The following RGS11 variants were observed in gnomAD, a reference collection of about 807,000 sequenced individuals.
The protein encoded by RGS11 is regulator of G-protein signaling 11.
A neutral mutation model predicts 71.1 loss-of-function variants in RGS11; 86 were observed. That is an observed-to-expected ratio of 1.21 (90% CI 1.02 to 1.45). The LOEUF (loss-of-function observed/expected upper bound fraction) is 1.45. Ranked by LOEUF, RGS11 falls within the 40% of genes most tolerant of loss-of-function variation. The pLI is 0.00. For synonymous variants in RGS11, 298 were observed against 254.2 expected (o/e 1.17, Z -1.64); for missense variants, 734 against 635.1 (o/e 1.16, Z -1.67).
chr16:272,587 T>C, intron 9 of RGS11: 1 of 1,455,270 alleles, frequency 6.9e-7, no homozygotes, highest in South Asian at 1.3e-5. Flanking sequence ...GATACTGTTC[T>C]GGAGAAGAGC....
chr16:272,738 A>G, intron 9 of RGS11, 125 bp downstream of exon 9: 2 of 1,504,380 alleles, frequency 1.3e-6, no homozygotes, highest in East Asian at 2.5e-5. Flanking sequence ...GGGCTTGGGG[A>G]GGCTGCACCA....
intron 9 of RGS11, chr16:272,273 G>A: frequency 8.0e-7 from 1 of 1,244,010 alleles, no homozygotes; most frequent in Non-Finnish European, 1.0e-6. Flanking sequence ...GAGCGGAGGA[G>A]GCGGACGCGC....
rs750015083 is a variant in RGS11 at position 271,152 on chromosome 16, C to CT, written c.863+49_863+50insA. On this transcript the variant is annotated intron_variant, in intron 12 of 16. Transcript: ENST00000397770. ...GGGTGGGGACTGACCCTCCTGCGTC[C>CT]CCCCAGGCTGGGAGCACACCCGCAG... The CT allele has an allele frequency of 1.5e-5, 24 of 1,604,536 alleles. No homozygotes were observed. The East Asian group carries it at 2.9e-4, about 19-fold the overall frequency.
intron 15 of RGS11, among the ~76,000 whole-genome samples, chr16:270,115 G>A (rs1242088345): frequency 6.6e-6 from 1 of 152,072 alleles, no homozygotes; most frequent in African/African-American, 2.4e-5. Context: ...CGGGCGTGGT[G>A]GCGGGCGCCT....
At chr16:271,618 GTCCAAA>G in intron 9 of RGS11, 49 bp from the exon 10 acceptor site, 1 of 1,588,484 alleles carries the variant, frequency 6.3e-7, no homozygotes, top group Non-Finnish European at 8.6e-7. Context: ...CCCTGCTGGG[GTCCAAA>G]ATCCCCAGCA....
Position 270,536 on chromosome 16 carries a change from A to G in RGS11, c.1193T>C (p.Met398Thr). The G allele has an allele frequency of 6.2e-7, 1 of 1,607,446 alleles. No homozygotes were observed. The highest frequency in any genetic ancestry group is 1.1e-5 in the South Asian group (1 of 90,078). ...CCCAGCACCCACCTTCTTCATGAGC[A>G]TGTATATGTGCAGCTGGGCGTCATC... is the stretch of plus-strand genomic sequence containing the variant. ...VLDDAQLHIY[M>T]LMKKDSYPRF... is the part of the protein sequence containing the mutation. The change falls in exon 15 of 17, where the codon ATG becomes ACG. Residue 398 changes from methionine (M) to threonine (T), a missense_variant. Coordinates refer to ENST00000397770, the MANE Select transcript of RGS11 (RefSeq NM_183337.3).
rs200731931 is a variant in RGS11, at chr16:270,609, T to C, written c.1120A>G (p.Met374Val). 1.2e-6 allele frequency: 2 copies of C among 1,608,270 alleles called. No individual in the cohort carries two copies. The highest frequency in any genetic ancestry group is 2.2e-5 in the East Asian group (1 of 44,698). Residue 374 changes from methionine (M) to valine (V), a missense_variant, in exon 15 of 17, where the codon ATG (methionine) becomes GTG (valine). Coordinates refer to ENST00000397770, the MANE Select transcript of RGS11 (RefSeq NM_183337.3). Reference sequence around the variant, plus strand: ...CGCAGCCCCTCCAGGGTCTGCTCCATGGTCCGGCTGTCGATGTTGACCCAG... The same window carrying C: ...CGCAGCCCCTCCAGGGTCTGCTCCACGGTCCGGCTGTCGATGTTGACCCAG... The part of the protein sequence containing the change: ...AHWVNIDSRT[M>V]EQTLEGLRQP...
At chr16:271,640 G>T in intron 9 of RGS11, 71 bp from the exon 10 acceptor site, 1 of 1,463,320 alleles carries the variant, frequency 6.8e-7, no homozygotes, top group South Asian at 1.1e-5. Context: ...CAGCAGGAGG[G>T]CACCTCCCCA....
intron 15 of RGS11, chr16:269,957 C>T (rs1013212310): frequency 1.4e-5 from 3 of 212,308 alleles, no homozygotes; most frequent in African/African-American, 7.0e-5. Context: ...GTGGCTCACG[C>T]CTGTGATCCC....
intron 4 of RGS11, chr16:274,600 C>G (rs1366859823): frequency 3.4e-6 from 2 of 592,704 alleles, no homozygotes; most frequent in Non-Finnish European, 6.2e-6. Context: ...GACGGCAGGT[C>G]GGCCCGGGAC....
chr16:272,973 T>C (rs1458782233), intron 8 of RGS11, 42 bp from the exon 9 acceptor site: 2 of 1,450,796 alleles, frequency 1.4e-6, no homozygotes, highest in African/African-American at 2.8e-5. Flanking sequence ...GCAGTTCCGG[T>C]GGCTGACCCC....
Position 271,068 on chromosome 16 carries a change from T to C in RGS11, c.895A>G (p.Arg299Gly). The C allele has an allele frequency of 6.2e-7, 1 of 1,612,070 alleles. No individual in the cohort carries two copies. Among genetic ancestry groups the C allele is most frequent in the East Asian group, 2.2e-5 (1 of 44,802 alleles). The stretch of plus-strand genomic sequence containing the variant: ...AGCTCCCGGAAGCTGAAGCCCCATC[T>C]CTCCACACGGAGCTTCGTGGGGGCA... ...VAAPTKLRVE[R>G]WGFSFRELLE... is the part of the protein sequence containing the mutation. Residue 299 changes from arginine (R) to glycine (G), a missense_variant, in exon 13 of 17, where the codon AGA becomes GGA. Arg to Gly is a moderately radical substitution (Grantham distance 125, BLOSUM62 -2). Coordinates refer to ENST00000397770, the MANE Select transcript of RGS11 (RefSeq NM_183337.3).
rs199803458 is a variant in RGS11 at position 275,340 on chromosome 16, G to C, written c.161-7C>G. ...CACTGCACGACGTCGCTGCCTGCAC[G>C]GGAGAGACAGAGGTGGAGGGAGGCC... On this transcript the variant is annotated splice_region_variant and splice_polypyrimidine_tract_variant and intron_variant, in intron 2 of 16. Coordinates refer to ENST00000397770, the MANE Select transcript of RGS11 (RefSeq NM_183337.3). 2.0e-4 allele frequency: 317 copies of C among 1,612,222 alleles called. No individual in the cohort carries two copies. Among genetic ancestry groups the C allele is most frequent in the Non-Finnish European group, 1.8e-4 (209 of 1,179,820 alleles).
chr16:268,751 G>T lies in RGS11; in HGVS notation c.*518C>A, dbSNP rs549474512. On this transcript the variant is annotated 3_prime_UTR_variant, in exon 17 of 17. Transcript: ENST00000397770. Reference sequence around the variant, plus strand: ...AGTGACCTCGAGGCAGCCTCAGCACGGCACTCTCTTGGGTCCTCTTCCAGG... The same window carrying T: ...AGTGACCTCGAGGCAGCCTCAGCACTGCACTCTCTTGGGTCCTCTTCCAGG... 2 of 1,545,976 alleles carry T rather than the reference G, an allele frequency of 1.3e-6. No homozygotes were observed. Among genetic ancestry groups the T allele is most frequent in the East Asian group, 2.4e-5 (1 of 40,852 alleles).
At position 275,042 on chromosome 16, in the gene RGS11, G is replaced by T; in HGVS notation, c.252C>A (p.Tyr84Ter). Reference sequence around the variant, plus strand: ...TACGGGGGTCGCGCAGCGGGTAGATGTAGCCATGCTGCACCAGGACGGCGC... The same window carrying T: ...TACGGGGGTCGCGCAGCGGGTAGATTTAGCCATGCTGCACCAGGACGGCGC... ...HLGAVLVQHGYIYPLRDPRSL... is the reference protein window; with the variant it reads ...HLGAVLVQHG Residue 84 changes from tyrosine to a stop codon, truncating the protein, a stop_gained, in exon 4 of 17, where the codon TAC becomes TAA. Transcript: ENST00000397770. LOFTEE classifies it high-confidence loss of function. The T allele has an allele frequency of 6.7e-7, 1 of 1,499,380 alleles. No homozygotes were observed. Among genetic ancestry groups the T allele is most frequent in the Non-Finnish European group, 8.9e-7 (1 of 1,121,392 alleles). 92.9% of individuals were successfully genotyped at this position (1,499,380 alleles called of 1,614,324 possible). A position where few individuals can be genotyped will look rare whatever the true frequency, so the allele number is the denominator to read the frequency against.
chr16:272,387 C>G (rs1026343249), intron 9 of RGS11: 4 of 1,292,302 alleles, frequency 3.1e-6, no homozygotes, highest in Non-Finnish European at 4.0e-6. Context: ...CTAGGTGCAT[C>G]TTTCCAGATG....
At chr16:271,514 C>T (rs760360581) in intron 10 of RGS11, 26 bp downstream of exon 10, 2 of 1,613,882 alleles carry the variant, frequency 1.2e-6, no homozygotes, top group Middle Eastern at 1.6e-4. Context: ...CACCTGGCAC[C>T]CTCCACTCCC....
chr16:270,277 C>T (rs900025210), intron 15 of RGS11, among the ~76,000 whole-genome samples: 3 of 150,678 alleles, frequency 2.0e-5, no homozygotes, highest in South Asian at 2.1e-4. Flanking sequence ...CTTTTTAGAT[C>T]GAAGCTTGAC....
chr16:273,774 C>G lies in RGS11; in HGVS notation c.492G>C (p.Ala164=), dbSNP rs201503564. ...NHAWDLVLMQ[A]REQLRAAKQR... ...CGGGGCCTCACCTCAGCTGCTCCCT[C>G]GCCTGCATCAGCACCAGGTCCCATG... Residue 164 remains alanine (A), a synonymous_variant, in exon 7 of 17, where the codon GCG becomes GCC. Coordinates refer to ENST00000397770, the MANE Select transcript of RGS11 (RefSeq NM_183337.3). 5 of 1,612,720 alleles carry G rather than the reference C, an allele frequency of 3.1e-6. No individual in the cohort carries two copies. The African/African-American group carries it at 5.3e-5, about 17-fold the overall frequency.
Sources: gnomAD v4.1 joint callset for allele counts (sites outside exome capture counted in the v4.1 genomes callset) on GRCh38, gnomAD v4.1.1 for gene constraint, MANE v1.5 for transcripts, NCBI Gene and HGNC (gene_info 2026-07-23, HGNC 2026-07-21) for gene names.